ADGRV1: variants seen among roughly 807,000 people sequenced by gnomAD.
ADGRV1 encodes the protein adhesion G protein-coupled receptor V1.
A neutral mutation model predicts 596.2 loss-of-function variants in ADGRV1; 359 were observed. The ratio of observed to expected loss-of-function variants is 0.60; its 90% CI spans 0.55 to 0.66. The LOEUF is 0.66. Among genes scored for constraint, ADGRV1 ranks in the 30% least tolerant of loss-of-function variants. The probability of loss-of-function intolerance (pLI) is 0.00; values close to 1 mark genes in which losing one functional copy is unlikely to be tolerated. For missense variants in ADGRV1, 7,274 were observed against 7,575.6 expected (o/e 0.96, Z 1.48); for synonymous variants, 2,681 against 2,679.2 (o/e 1.00, Z -0.02).
At chr5:90,919,770 G>A (rs2367181) in intron 83 of ADGRV1, among the ~76,000 whole-genome samples, 36,140 of 151,860 alleles carry the variant, frequency 0.24, 5,179 homozygotes, top group Admixed American at 0.4. Context: ...CGAGGTGGGC[G>A]GATCACCTGA....
At chr5:90,568,944 A>G (rs1328974454) in intron 1 of ADGRV1, among the ~76,000 whole-genome samples, 2 of 152,176 alleles carry the variant, frequency 1.3e-5, no homozygotes, top group African/African-American at 2.4e-5. Context: ...TTTTCTGAAT[A>G]CCAGAGATTG....
chr5:91,111,120 T>G (rs1003082796), intron 87 of ADGRV1, among the ~76,000 whole-genome samples: 5 of 152,206 alleles, frequency 3.3e-5, no homozygotes, highest in Admixed American at 1.3e-4. Context: ...ATAGCAACAG[T>G]TTCTTCCACC....
At chr5:90,713,280 G>A (rs1053641894) in intron 42 of ADGRV1, among the ~76,000 whole-genome samples, 3 of 150,934 alleles carry the variant, frequency 2.0e-5, no homozygotes, top group African/African-American at 7.3e-5. Flanking sequence ...CCCAAGGATT[G>A]GTTTTTACTT....
intron 87 of ADGRV1, among the ~76,000 whole-genome samples, chr5:91,125,326 A>G (rs375505777): frequency 6.6e-6 from 1 of 152,210 alleles, no homozygotes; most frequent in African/African-American, 2.4e-5. Context: ...TGGGTAGGTC[A>G]TGCATTATAA....
At chr5:90,836,558 C>T (rs1314325934) in intron 77 of ADGRV1, among the ~76,000 whole-genome samples, 1 of 151,876 alleles carries the variant, frequency 6.6e-6, no homozygotes, top group Non-Finnish European at 1.5e-5. Flanking sequence ...TTGGTGGTTG[C>T]CAGAGATTAA....
chr5:90,565,151 C>T (rs918937160), intron 1 of ADGRV1, among the ~76,000 whole-genome samples: 5 of 152,024 alleles, frequency 3.3e-5, no homozygotes, highest in Non-Finnish European at 7.4e-5. Flanking sequence ...TCAAGAGAAT[C>T]GTTTGAACGC....
At chr5:91,133,996 A>G (rs1368970655) in intron 87 of ADGRV1, among the ~76,000 whole-genome samples, 1 of 152,226 alleles carries the variant, frequency 6.6e-6, no homozygotes, top group Non-Finnish European at 1.5e-5. Flanking sequence ...ATTTAATAAA[A>G]TGAAAATGAC....
intron 68 of ADGRV1, among the ~76,000 whole-genome samples, chr5:90,788,592 G>C (rs894266201): frequency 6.6e-6 from 1 of 152,156 alleles, no homozygotes; most frequent in East Asian, 1.9e-4. Flanking sequence ...CAGTTTTAGA[G>C]CAGAGGTATT....
chr5:90,862,524 C>T (rs1402710201), intron 82 of ADGRV1, among the ~76,000 whole-genome samples: 1 of 152,120 alleles, frequency 6.6e-6, no homozygotes, highest in African/African-American at 2.4e-5. Context: ...AGTATATAGA[C>T]TACCTAAGTC....
intron 83 of ADGRV1, among the ~76,000 whole-genome samples, chr5:90,905,405 T>C (rs749776253): frequency 1.3e-5 from 2 of 152,046 alleles, no homozygotes; most frequent in Non-Finnish European, 2.9e-5. Flanking sequence ...CCCTTCCATT[T>C]TTTCATCACT....
At position 90,711,230 on chromosome 5, in the gene ADGRV1, A is replaced by G; in HGVS notation, c.8950A>G (p.Arg2984Gly). The change falls in exon 41 of 90, where the codon AGG becomes GGG. Residue 2984 changes from arginine to glycine, a missense_variant. Arg to Gly is a moderately radical substitution (Grantham distance 125). Transcript: ENST00000405460. ...TGGAAGTTTAACATTGGTAGCCCAG[A>G]GGAGCAGAGAACCTCTTGGCCATGT... ...THGSLTLVAQ[R>G]SREPLGHVSL... The G allele has an allele frequency of 6.2e-7, 1 of 1,613,204 alleles. No individual in the cohort carries two copies. Among genetic ancestry groups the G allele is most frequent in the Admixed American group, 1.7e-5 (1 of 60,020 alleles).
At chr5:90,859,045 G>A (rs1428612824) in intron 82 of ADGRV1, among the ~76,000 whole-genome samples, 1 of 152,226 alleles carries the variant, frequency 6.6e-6, no homozygotes, top group Non-Finnish European at 1.5e-5. Flanking sequence ...AATACAGAGA[G>A]ACAAGCACTG....
intron 1 of ADGRV1, among the ~76,000 whole-genome samples, chr5:90,570,582 G>T (rs1245634977): frequency 3.3e-5 from 5 of 152,078 alleles, no homozygotes; most frequent in Admixed American, 2.0e-4. Flanking sequence ...ATTTTGTGGA[G>T]TCCTATAGGA....
At chr5:91,149,831 CAA>C (rs59523008) in intron 87 of ADGRV1, among the ~76,000 whole-genome samples, 197 bp from the exon 88 acceptor site, 1 of 85,924 alleles carries the variant, frequency 1.2e-5, no homozygotes, top group Non-Finnish European at 2.1e-5. Context: ...AACTCCAGCT[CAA>C]AAAAAAAAAA....
intron 48 of ADGRV1, among the ~76,000 whole-genome samples, chr5:90,727,349 A>G (rs1580895398): frequency 6.6e-6 from 1 of 152,228 alleles, no homozygotes; most frequent in East Asian, 1.9e-4. Flanking sequence ...TTTATCATTA[A>G]GTATTTTTGA....
chr5:90,811,600 T>G (rs538379009), intron 74 of ADGRV1, among the ~76,000 whole-genome samples: 1 of 152,286 alleles, frequency 6.6e-6, no homozygotes, highest in East Asian at 1.9e-4. Flanking sequence ...ACTCTCACAA[T>G]ATAAATAACG....
chr5:90,712,980 A>T (rs1450236142), intron 42 of ADGRV1, among the ~76,000 whole-genome samples: 1 of 152,060 alleles, frequency 6.6e-6, no homozygotes, highest in Non-Finnish European at 1.5e-5. Flanking sequence ...TATTGTGCTG[A>T]CTGTTTAGAG....
Position 90,681,857 on chromosome 5 carries a change from C to A in ADGRV1, c.5664+403C>A, listed in dbSNP as rs564997672. Among the ~76,000 whole-genome samples the A allele has an allele frequency of 3.3e-4, 43 of 129,988 alleles. No homozygotes were observed. In the South Asian group the frequency reaches 3.6e-3, roughly 11 times the overall value. The allele number at this position is 129,988 out of a possible 152,430, so 85.3% of individuals were successfully genotyped here. A position where few individuals can be genotyped will look rare whatever the true frequency, so the allele number is the denominator to read the frequency against. On this transcript the variant is annotated intron_variant, in intron 27 of 89. Transcript: ENST00000405460. ...CCCTCCCTCCCTTCCTTCTTTCCTT[C>A]CTTCCTTCCTTTCTTTCTTTCTTTT...
chr5:91,115,351 A>G (rs1018049474), intron 87 of ADGRV1, among the ~76,000 whole-genome samples: 1 of 152,196 alleles, frequency 6.6e-6, no homozygotes, highest in Non-Finnish European at 1.5e-5. Context: ...TTGCCTACTA[A>G]TAAATGAAGA....
Sources: allele counts gnomAD v4.1 joint callset (sites outside exome capture counted in the v4.1 genomes callset), GRCh38; gene constraint gnomAD v4.1.1; transcripts MANE v1.5; gene names NCBI Gene and HGNC (gene_info 2026-07-23, HGNC 2026-07-21).